Variants in CSMD1 observed in about 807,000 individuals in gnomAD.
CSMD1 encodes the protein CUB and Sushi multiple domains 1.
A neutral mutation model predicts 417.5 loss-of-function variants in CSMD1; 213 were observed. That is an observed-to-expected ratio of 0.51 (90% CI 0.46 to 0.57). The LOEUF (loss-of-function observed/expected upper bound fraction) is 0.57, where lower values mean the gene tolerates loss of function less well. Among genes scored for constraint, CSMD1 ranks in the 20% least tolerant of loss-of-function variants. The probability of loss-of-function intolerance (pLI) is 0.00; values close to 1 mark genes in which losing one functional copy is unlikely to be tolerated. For synonymous variants in CSMD1, 2,862 were observed against 1,736.8 expected, an observed-to-expected ratio of 1.65 and a Z score of -16.11; for missense variants, 6,923 against 4,529.7, an observed-to-expected ratio of 1.53 and a Z score of -15.17.
chr8:3,259,304 A>C (rs1052315761), intron 26 of CSMD1, among the ~76,000 whole-genome samples: 1 of 152,176 alleles, frequency 6.6e-6, no homozygotes, highest in African/African-American at 2.4e-5. Flanking sequence ...ATGGATTTCT[A>C]GTTAGCATGT....
At chr8:3,245,999 G>A (rs1258517934) in intron 26 of CSMD1, among the ~76,000 whole-genome samples, 1 of 152,122 alleles carries the variant, frequency 6.6e-6, no homozygotes, top group Non-Finnish European at 1.5e-5. Context: ...GTAGGCAGAA[G>A]TTTTGGTTTT....
rs145212971 is a variant in CSMD1 at position 3,408,294 on chromosome 8, A to G, written c.1745-69T>C. 608 of 1,266,178 alleles carry G rather than the reference A, an allele frequency of 4.8e-4. 2 individuals are homozygous for G. In the African/African-American group the frequency reaches 7.8e-3, roughly 16 times the overall value. 78.4% of individuals were successfully genotyped at this position (1,266,178 alleles called of 1,614,324 possible). On this transcript the variant is annotated intron_variant, in intron 13 of 69. Coordinates refer to ENST00000635120, the MANE Select transcript of CSMD1 (RefSeq NM_033225.6). ...CAAAGAATTGCCATGTGAAACAGAC[A>G]GCTAAGAACCTGGAAAGGCAATTCA...
intron 3 of CSMD1, among the ~76,000 whole-genome samples, chr8:4,150,427 C>A (rs1300746706): frequency 6.6e-6 from 1 of 152,222 alleles, no homozygotes; most frequent in Non-Finnish European, 1.5e-5. Flanking sequence ...GGATGGCAGG[C>A]TTTTGACAAC....
At chr8:3,275,349 G>T (rs1802197763) in intron 26 of CSMD1, among the ~76,000 whole-genome samples, 1 of 151,996 alleles carries the variant, frequency 6.6e-6, no homozygotes, top group African/African-American at 2.4e-5. Flanking sequence ...TTTCTCTCTG[G>T]CTGCCCTTAA....
intron 3 of CSMD1, among the ~76,000 whole-genome samples, chr8:4,416,094 T>C (rs1422090248): frequency 3.9e-5 from 6 of 152,222 alleles, no homozygotes; most frequent in Non-Finnish European, 8.8e-5. Flanking sequence ...CCAATTGTTA[T>C]GAAAAATTGT....
chr8:4,236,055 T>TTTTTTTTTTG (rs1802037738), intron 3 of CSMD1, among the ~76,000 whole-genome samples: 3 of 83,742 alleles, frequency 3.6e-5, no homozygotes, highest in Non-Finnish European at 5.2e-5. Context: ...TTTTTTTTTT[T>TTTTTTTTTTG]TTTTTTTTTT....
intron 3 of CSMD1, among the ~76,000 whole-genome samples, chr8:4,196,562 G>T (rs1263512838): frequency 6.6e-6 from 1 of 152,056 alleles, no homozygotes; most frequent in Non-Finnish European, 1.5e-5. Context: ...TTCATTTTTA[G>T]CCTCAAAAGA....
intron 3 of CSMD1, among the ~76,000 whole-genome samples, chr8:4,376,963 C>T (rs944997490): frequency 1.3e-5 from 2 of 152,178 alleles, no homozygotes; most frequent in Non-Finnish European, 2.9e-5. Context: ...ACTCACCGCA[C>T]AGGTGCTGAG....
At chr8:4,102,363 G>C (rs939649835) in intron 3 of CSMD1, among the ~76,000 whole-genome samples, 5 of 152,108 alleles carry the variant, frequency 3.3e-5, no homozygotes, top group Admixed American at 2.6e-4. Context: ...TTCCTTGCAA[G>C]AGAAACTGGA....
intron 11 of CSMD1, among the ~76,000 whole-genome samples, chr8:3,476,281 T>C (rs981726850): frequency 2.0e-5 from 3 of 152,242 alleles, no homozygotes; most frequent in African/African-American, 7.2e-5. Context: ...TGTTGTTGTG[T>C]GTATCAGTAG....
intron 16 of CSMD1, 126 bp downstream of exon 16, chr8:3,399,265 G>T: frequency 1.3e-6 from 1 of 780,304 alleles, no homozygotes; most frequent in Non-Finnish European, 2.0e-6. Flanking sequence ...CCTGTTTCTG[G>T]TAAAGTGTGC....
At chr8:3,498,498 CTGTTTGGTG>C (rs1796459479) in intron 10 of CSMD1, among the ~76,000 whole-genome samples, 1 of 152,146 alleles carries the variant, frequency 6.6e-6, no homozygotes, top group Admixed American at 6.5e-5. Flanking sequence ...GGCATTAGAT[CTGTTTGGTG>C]ATCTTTGAGC....
chr8:3,354,280 G>A (rs1434013863), intron 21 of CSMD1, among the ~76,000 whole-genome samples: 2 of 152,126 alleles, frequency 1.3e-5, no homozygotes, highest in Non-Finnish European at 2.9e-5. Context: ...TAACAGAGAT[G>A]TTTCTTAACA....
intron 3 of CSMD1, among the ~76,000 whole-genome samples, chr8:4,322,059 A>T (rs1389570360): frequency 6.6e-6 from 1 of 152,138 alleles, no homozygotes; most frequent in African/African-American, 2.4e-5. Flanking sequence ...TAATTCACAG[A>T]TACTTTTCAT....
intron 7 of CSMD1, among the ~76,000 whole-genome samples, chr8:3,652,263 C>T (rs373711564): frequency 6.6e-6 from 1 of 152,190 alleles, no homozygotes; most frequent in Non-Finnish European, 1.5e-5. Context: ...CACTTACCAC[C>T]ATCAGTGCGC....
At chr8:3,753,001 C>T (rs1166092643) in intron 6 of CSMD1, among the ~76,000 whole-genome samples, 1 of 152,160 alleles carries the variant, frequency 6.6e-6, no homozygotes, top group East Asian at 1.9e-4. Context: ...TGCATTCTGA[C>T]TTTCATGGGA....
rs889238555 is a variant in CSMD1, at chr8:2,942,565, T to C, written c.10442A>G (p.His3481Arg). ...NPDQDSSSHY[H>R]GTSSGSVAAA... ...CGCCACAGAGCCACTGCTGGTGCCG[T>C]GGTAATGACTGGAAGAGTCTTGATC... The change falls in exon 69 of 70, where the codon CAC (histidine) becomes CGC (arginine). Residue 3481 changes from histidine to arginine, a missense_variant. His to Arg is a conservative substitution (Grantham distance 29). Transcript: ENST00000635120. 1 of 1,604,630 alleles carries C rather than the reference T, an allele frequency of 6.2e-7. No homozygotes were observed. Among genetic ancestry groups the C allele is most frequent in the East Asian group, 2.2e-5 (1 of 44,672 alleles).
chr8:4,732,132 G>C lies in CSMD1; in HGVS notation c.86-94574C>G, dbSNP rs1249453480. 1.3e-5 allele frequency among the ~76,000 whole-genome samples: 2 copies of C among 152,070 alleles called. 1 individual carries two copies. Among genetic ancestry groups the C allele is most frequent in the African/African-American group, 4.8e-5 (2 of 41,396 alleles). ...TCACAGATGGCAAGTCTGAGATTCA[G>C]AGGCTTCTAATAATGTTCCCAGGAC... On this transcript the variant is annotated intron_variant, in intron 1 of 69. Transcript: ENST00000635120.
chr8:4,882,564 CT>C (rs940148810), intron 1 of CSMD1, among the ~76,000 whole-genome samples: 3 of 151,798 alleles, frequency 2.0e-5, no homozygotes, highest in Admixed American at 6.6e-5. Context: ...GGCAACCCCA[CT>C]TTCCCTAAGA....
Sources: gnomAD v4.1 joint callset for allele counts (sites outside exome capture counted in the v4.1 genomes callset) on GRCh38, gnomAD v4.1.1 for gene constraint, MANE v1.5 for transcripts, NCBI Gene and HGNC (gene_info 2026-07-23, HGNC 2026-07-21) for gene names.